The following TBL1X variants were observed in gnomAD, a reference collection of about 807,000 sequenced individuals.
TBL1X encodes F-box-like/WD repeat-containing protein TBL1X.
A neutral mutation model predicts 50.7 loss-of-function variants in TBL1X; 10 were observed. The ratio of observed to expected loss-of-function variants is 0.20; its 90% confidence interval spans 0.12 to 0.33. The LOEUF is 0.33. Ranked by LOEUF, TBL1X falls within the 10% of genes least tolerant of loss-of-function variation. TBL1X has a pLI of 1.00. For missense variants in TBL1X, 340 were observed against 504.4 expected (o/e 0.67, Z 3.12); for synonymous variants, 190 against 214.7 (o/e 0.88, Z 1.01).
chrX:9,518,858 CA>C, intron 2 of TBL1X, among the ~76,000 whole-genome samples: 1 of 110,914 alleles, frequency 9.0e-6, no homozygotes, highest in East Asian at 2.9e-4. Context: ...GCCACACAGG[CA>C]GACTGTCCAT....
intron 13 of TBL1X, among the ~76,000 whole-genome samples, chrX:9,707,285 A>G (rs733071): frequency 0.49 from 53,849 of 110,304 alleles, 9,933 homozygotes; most frequent in East Asian, 0.92. Flanking sequence ...TTTAGAGCAC[A>G]GGCACCTATC....
Position 9,711,753 on chromosome X carries a change from T to C in TBL1X, c.1582T>C (p.Cys528Arg), listed in dbSNP as rs2083248600. 8.3e-7 allele frequency: 1 copy of C among 1,202,880 alleles called. No individual in the cohort carries two copies. The highest frequency in any genetic ancestry group is 3.0e-5 in the East Asian group (1 of 33,429). ...CTTGGCCAGTGGATCCTTCGACAAGTGCGTCCATATCTGGAATACTCAGGT... is the reference window on the plus strand; with the variant it reads ...CTTGGCCAGTGGATCCTTCGACAAGCGCGTCCATATCTGGAATACTCAGGT... The part of the protein sequence containing the change: ...KYLASGSFDK[C>R]VHIWNTQSGN... The change falls in exon 16 of 18, where the codon TGC becomes CGC. Residue 528 changes from cysteine to arginine, a missense_variant. This residue lies in a region of TBL1X where 170 missense variants were observed against 272.6 expected (regional missense o/e 0.62). Transcript: ENST00000645353.
chrX:9,716,165 A>G, intron 17 of TBL1X, 55 bp from the exon 18 acceptor site: 2 of 1,186,846 alleles, frequency 1.7e-6, no homozygotes, highest in East Asian at 3.0e-5. Context: ...TTCTCACTCT[A>G]AAGGCATCTT....
At chrX:9,593,692 C>T (rs1456708845) in intron 2 of TBL1X, among the ~76,000 whole-genome samples, 4 of 110,943 alleles carry the variant, frequency 3.6e-5, no homozygotes, top group Admixed American at 9.5e-5. Context: ...AGTGCCCTTT[C>T]ACCTTTCCTT....
intron 2 of TBL1X, among the ~76,000 whole-genome samples, chrX:9,544,742 T>A (rs181730723): frequency 2.0e-3 from 221 of 109,477 alleles, no homozygotes; most frequent in Admixed American, 3.4e-3. Flanking sequence ...TTTTTGTAAT[T>A]TTTTGTACAG....
chrX:9,497,053 G>A (rs1032905788), intron 1 of TBL1X, among the ~76,000 whole-genome samples: 6 of 111,569 alleles, frequency 5.4e-5, no homozygotes, highest in Non-Finnish European at 1.1e-4. Context: ...ACCTTTGGTT[G>A]GACATGTAAC....
chrX:9,666,479 A>G (rs1343872997), intron 5 of TBL1X, among the ~76,000 whole-genome samples: 3 of 112,206 alleles, frequency 2.7e-5, no homozygotes, highest in African/African-American at 9.7e-5. Flanking sequence ...CATTTAGGTC[A>G]CGTGACTCTA....
At chrX:9,474,988 C>G (rs904148520) in intron 1 of TBL1X, among the ~76,000 whole-genome samples, 2 of 112,067 alleles carry the variant, frequency 1.8e-5, no homozygotes, top group South Asian at 3.7e-4. Flanking sequence ...ATTCTCCTGC[C>G]TCAGCCTCCC....
chrX:9,654,945 G>A (rs1398436078), intron 5 of TBL1X, among the ~76,000 whole-genome samples: 1 of 110,936 alleles, frequency 9.0e-6, no homozygotes, highest in African/African-American at 3.3e-5. Flanking sequence ...TAGAAGATAT[G>A]TAATTTAAGA....
chrX:9,705,237 A>G (rs1021599995), intron 13 of TBL1X, 123 bp downstream of exon 13: 4 of 1,105,177 alleles, frequency 3.6e-6, no homozygotes, highest in Non-Finnish European at 4.9e-6. Context: ...CCCCTTGGCT[A>G]TTTGAGCTGT....
intron 2 of TBL1X, among the ~76,000 whole-genome samples, chrX:9,507,101 C>T (rs954092512): frequency 8.9e-6 from 1 of 111,827 alleles, no homozygotes; most frequent in African/African-American, 3.3e-5. Flanking sequence ...GGCAGTCAGG[C>T]AAGAGAAAGA....
chrX:9,471,395 T>C (rs2081813757), intron 1 of TBL1X, among the ~76,000 whole-genome samples: 1 of 111,923 alleles, frequency 8.9e-6, no homozygotes, highest in African/African-American at 3.3e-5. Context: ...AGCCTTTTCC[T>C]CCCTCCCAGG....
chrX:9,572,362 C>T (rs776255726), intron 2 of TBL1X, among the ~76,000 whole-genome samples: 2 of 113,109 alleles, frequency 1.8e-5, no homozygotes, highest in East Asian at 5.5e-4. Flanking sequence ...ACCCTGTAGC[C>T]GGCCTTCGCC....
intron 14 of TBL1X, 145 bp downstream of exon 14, chrX:9,709,467 C>CA: frequency 4.2e-6 from 4 of 963,163 alleles, no homozygotes; most frequent in Non-Finnish European, 5.7e-6. Flanking sequence ...TACGATTTCT[C>CA]AGTCATAGTC....
chrX:9,673,002 C>G (rs1266115362), intron 5 of TBL1X, among the ~76,000 whole-genome samples: 2 of 111,948 alleles, frequency 1.8e-5, no homozygotes, highest in East Asian at 5.6e-4. Flanking sequence ...CGCCTTCTCC[C>G]TGTGTCCTCA....
At chrX:9,544,891 G>C (rs752551536) in intron 2 of TBL1X, among the ~76,000 whole-genome samples, 1 of 111,416 alleles carries the variant, frequency 9.0e-6, no homozygotes, top group Non-Finnish European at 1.9e-5. Context: ...ATACAGAAAC[G>C]GACTTAATTG....
intron 2 of TBL1X, among the ~76,000 whole-genome samples, chrX:9,509,469 A>T (rs2146957206): frequency 1.1e-5 from 1 of 92,532 alleles, no homozygotes; most frequent in Admixed American, 1.3e-4. Context: ...ATCATTTTGT[A>T]TGTACAGAAT....
chrX:9,686,142 G>A (rs1368362647), intron 6 of TBL1X, among the ~76,000 whole-genome samples: 1 of 111,344 alleles, frequency 9.0e-6, no homozygotes, highest in Non-Finnish European at 1.9e-5. Flanking sequence ...CTGTGTGCCC[G>A]GGATCTTCCA....
At chrX:9,491,559 T>C (rs1373704650) in intron 1 of TBL1X, among the ~76,000 whole-genome samples, 2 of 108,656 alleles carry the variant, frequency 1.8e-5, no homozygotes, top group East Asian at 5.8e-4. Flanking sequence ...TTGTTTCTAC[T>C]CTGCACAGTA....
Sources: gnomAD v4.1 joint callset for allele counts (sites outside exome capture counted in the v4.1 genomes callset) on GRCh38, gnomAD v4.1.1 for gene constraint, gnomAD v4.1.1 regional missense constraint, MANE v1.5 for transcripts, NCBI Gene and HGNC (gene_info 2026-07-23, HGNC 2026-07-21) for gene names.